OPCML: variants seen among roughly 807,000 people sequenced by gnomAD.
OPCML encodes the protein opioid binding protein/cell adhesion molecule like.
Under a neutral mutation model 37.8 loss-of-function variants are expected in OPCML, and 13 were observed. The observed-to-expected ratio is 0.34, with a 90% CI of 0.22 to 0.55. The LOEUF (loss-of-function observed/expected upper bound fraction) is 0.55. Among genes scored for constraint, OPCML ranks in the 20% least tolerant of loss-of-function variants. The pLI, the probability that OPCML is intolerant of heterozygous loss-of-function variation, is 0.91. For synonymous variants in OPCML, 176 were observed against 168.8 expected (o/e 1.04, Z -0.33); for missense variants, 341 against 435.6 (o/e 0.78, Z 1.93).
intron 1 of OPCML, among the ~76,000 whole-genome samples, chr11:132,969,530 C>G (rs908706396): frequency 6.6e-6 from 1 of 152,054 alleles, no homozygotes; most frequent in Non-Finnish European, 1.5e-5. Context: ...GTTCTGGGAC[C>G]CCCCCTGCAA....
chr11:132,976,054 G>A (rs1269288379), intron 1 of OPCML, among the ~76,000 whole-genome samples: 2 of 152,190 alleles, frequency 1.3e-5, no homozygotes, highest in African/African-American at 2.4e-5. Flanking sequence ...TAAGACTAAA[G>A]CTCGTTTCAA....
At chr11:133,069,683 G>A (rs1428681813) in intron 1 of OPCML, among the ~76,000 whole-genome samples, 2 of 152,226 alleles carry the variant, frequency 1.3e-5, no homozygotes, top group African/African-American at 4.8e-5. Context: ...TGGACAAATG[G>A]CATTGTCTCA....
At position 133,458,689 on chromosome 11, in the gene OPCML, GTGTATA is replaced by G. The variant is rs1453585529; in HGVS notation, c.61+73569_61+73574del. ...TATATACACATAGATGCACGTGTGT[GTGTATA>G]TATACACATAGATGCACGTGTGTGT... On this transcript the variant is annotated intron_variant, in intron 1 of 7. Coordinates refer to ENST00000524381, the MANE Select transcript of OPCML (RefSeq NM_001012393.5). Among the ~76,000 whole-genome samples the G allele has an allele frequency of 1.4e-5, 2 of 142,602 alleles. 1 individual carries two copies. The highest frequency in any genetic ancestry group is 5.7e-5 in the African/African-American group (2 of 35,378). 93.6% of individuals were successfully genotyped at this position (142,602 alleles called of 152,430 possible). A position where few individuals can be genotyped will look rare whatever the true frequency, so the allele number is the denominator to read the frequency against.
Position 132,436,401 on chromosome 11 carries a change from G to A in OPCML, c.765-164C>T, listed in dbSNP as rs191418073. 38 of 982,220 alleles carry A rather than the reference G, an allele frequency of 3.9e-5. 1 individual carries two copies. The African/African-American group carries it at 5.2e-4, about 14-fold the overall frequency. 60.8% of individuals were successfully genotyped at this position (982,220 alleles called of 1,614,324 possible). ...GATGCTCTTGCCCAATGGGATAAAT[G>A]TACTGGCTTCTAATTCCCAACGACT... On this transcript the variant is annotated intron_variant, in intron 6 of 7. Transcript: ENST00000524381.
At position 132,988,612 on chromosome 11, in the gene OPCML, C is replaced by T. The variant is rs181775067; in HGVS notation, c.62-45602G>A. On this transcript the variant is annotated intron_variant, in intron 1 of 7. Coordinates refer to ENST00000524381, the MANE Select transcript of OPCML (RefSeq NM_001012393.5). ...GGTCTCCCTCGCCCTGTTTGTTCCCCTTGGAATGCACTAATGAATACAGCC... is the reference window on the plus strand; with the variant it reads ...GGTCTCCCTCGCCCTGTTTGTTCCCTTTGGAATGCACTAATGAATACAGCC... Among the ~76,000 whole-genome samples, 886 of 152,258 alleles carry T rather than the reference C, an allele frequency of 5.8e-3. 5 individuals are homozygous for T. The highest frequency in any genetic ancestry group is 0.019 in the African/African-American group (776 of 41,562).
intron 1 of OPCML, among the ~76,000 whole-genome samples, chr11:133,481,797 C>T (rs1319711592): frequency 6.6e-6 from 1 of 152,124 alleles, no homozygotes; most frequent in Non-Finnish European, 1.5e-5. Context: ...TTAAACAAAA[C>T]TAATGTAAGG....
intron 7 of OPCML, among the ~76,000 whole-genome samples, chr11:132,433,354 G>A (rs572100776): frequency 1.1e-4 from 17 of 152,256 alleles, no homozygotes; most frequent in African/African-American, 2.6e-4. Flanking sequence ...CTACTTAGCC[G>A]AGTGGACTCA....
chr11:133,362,891 G>T (rs1453160224), intron 1 of OPCML, among the ~76,000 whole-genome samples: 2 of 152,174 alleles, frequency 1.3e-5, no homozygotes, highest in African/African-American at 4.8e-5. Flanking sequence ...ATGGACAGAG[G>T]GTGGTGATGT....
chr11:133,002,904 C>A (rs1008512636), intron 1 of OPCML, among the ~76,000 whole-genome samples: 2 of 152,058 alleles, frequency 1.3e-5, no homozygotes, highest in African/African-American at 4.8e-5. Context: ...ACCACTTGAC[C>A]TCATTTGAAC....
chr11:133,081,234 G>A (rs1234820617), intron 1 of OPCML, among the ~76,000 whole-genome samples: 5 of 152,214 alleles, frequency 3.3e-5, no homozygotes, highest in Admixed American at 2.0e-4. Flanking sequence ...CATCTGGAGG[G>A]TTAGGGCTCT....
intron 1 of OPCML, among the ~76,000 whole-genome samples, chr11:133,413,506 T>A (rs139000777): frequency 2.6e-5 from 4 of 151,160 alleles, no homozygotes; most frequent in East Asian, 1.9e-4. Context: ...TAAATAAATA[T>A]ATAAAAACAA....
chr11:133,044,091 A>G (rs1032808727), intron 1 of OPCML, among the ~76,000 whole-genome samples: 2 of 152,164 alleles, frequency 1.3e-5, no homozygotes, highest in African/African-American at 4.8e-5. Flanking sequence ...GGATCAGGAA[A>G]GCCTTCCACA....
intron 1 of OPCML, chr11:133,419,443 A>C (rs1467487652): frequency 5.8e-6 from 3 of 520,714 alleles, no homozygotes; most frequent in Non-Finnish European, 7.4e-6. Context: ...ACCACTAATA[A>C]AAGTTGAGTT....
chr11:132,650,259 G>A (rs544545600), intron 3 of OPCML, among the ~76,000 whole-genome samples: 1 of 152,272 alleles, frequency 6.6e-6, no homozygotes, highest in South Asian at 2.1e-4. Context: ...AGAAATAGTA[G>A]GAACAATGGC....
chr11:132,557,824 C>G (rs879907359), intron 3 of OPCML, among the ~76,000 whole-genome samples: 7 of 151,964 alleles, frequency 4.6e-5, no homozygotes, highest in Non-Finnish European at 7.4e-5. Context: ...GGTGGATGGG[C>G]ACCAGGAGAG....
intron 1 of OPCML, among the ~76,000 whole-genome samples, chr11:133,083,284 G>A (rs1003427760): frequency 4.6e-5 from 7 of 152,174 alleles, no homozygotes; most frequent in African/African-American, 1.4e-4. Flanking sequence ...GCGCGCTGTG[G>A]TCTCACTCCC....
At chr11:132,724,352 C>G (rs547278322) in intron 2 of OPCML, among the ~76,000 whole-genome samples, 1 of 152,160 alleles carries the variant, frequency 6.6e-6, no homozygotes, top group African/African-American at 2.4e-5. Flanking sequence ...ATGTATTAGT[C>G]TGTTTTTGCA....
At chr11:132,685,193 A>T (rs1943113533) in intron 2 of OPCML, among the ~76,000 whole-genome samples, 2 of 152,210 alleles carry the variant, frequency 1.3e-5, no homozygotes, top group Non-Finnish European at 2.9e-5. Context: ...AGTCTATTGC[A>T]ATAGACAAGC....
intron 2 of OPCML, among the ~76,000 whole-genome samples, chr11:132,664,420 T>A (rs920150278): frequency 2.0e-5 from 3 of 152,214 alleles, no homozygotes; most frequent in African/African-American, 7.2e-5. Flanking sequence ...TTTACTTTTT[T>A]AATACATTCC....
Sources: gnomAD v4.1 joint callset for allele counts (sites outside exome capture counted in the v4.1 genomes callset) on GRCh38, gnomAD v4.1.1 for gene constraint, MANE v1.5 for transcripts, NCBI Gene and HGNC (gene_info 2026-07-23, HGNC 2026-07-21) for gene names.